POLDIP3: variants seen among roughly 807,000 people sequenced by gnomAD.
POLDIP3 encodes polymerase delta-interacting protein 3.
In POLDIP3, 14 loss-of-function variants were observed where a neutral mutation model predicts 45.1. The observed-to-expected ratio is 0.31, with a 90% confidence interval of 0.20 to 0.49. POLDIP3 has a LOEUF of 0.49. Among genes scored for constraint, POLDIP3 ranks in the 20% least tolerant of loss-of-function variants. POLDIP3 has a pLI of 0.99. For synonymous variants in POLDIP3, 223 were observed against 205.2 expected (o/e 1.09, Z -0.74); for missense variants, 511 against 538.8 (o/e 0.95, Z 0.51).
intron 1 of POLDIP3, among the ~76,000 whole-genome samples, chr22:42,609,030 G>C (rs544474963): frequency 6.6e-6 from 1 of 152,134 alleles, no homozygotes; most frequent in African/African-American, 2.4e-5. Flanking sequence ...ATTAGTCATC[G>C]GAAATTTTTC....
chr22:42,587,409 G>A, intron 8 of POLDIP3, 97 bp downstream of exon 8: 1 of 1,229,684 alleles, frequency 8.1e-7, no homozygotes. Context: ...ACGGAATGGG[G>A]GGATGAAGGG....
chr22:42,594,080 T>A (rs1925834902), intron 6 of POLDIP3, among the ~76,000 whole-genome samples: 1 of 152,184 alleles, frequency 6.6e-6, no homozygotes, highest in East Asian at 1.9e-4. Context: ...GCCAACATGG[T>A]GAAACCTCGT....
intron 1 of POLDIP3, among the ~76,000 whole-genome samples, chr22:42,613,924 A>C (rs1385176802): frequency 2.6e-5 from 4 of 152,214 alleles, no homozygotes; most frequent in Non-Finnish European, 5.9e-5. Flanking sequence ...AGATGAACTC[A>C]GCTCACGAAG....
Position 42,614,848 on chromosome 22 carries a change from T to G in POLDIP3, c.10A>C (p.Ile4Leu). MAD[I>L]SLDELIRKRG... ...TTCCTGATGAGTTCGTCCAGGGAGA[T>G]GTCCGCCATCTTGCTCCGCCGAGCA... The change falls in exon 1 of 9, where the codon ATC (isoleucine) becomes CTC (leucine). Residue 4 changes from isoleucine (I) to leucine (L), a missense_variant. By Grantham distance (5) the Ile-to-Leu change is conservative. This residue lies in a region of POLDIP3 where 378 missense variants were observed against 352.3 expected (regional missense o/e 1.07). Coordinates refer to ENST00000252115, the MANE Select transcript of POLDIP3 (RefSeq NM_032311.5). 6.2e-7 allele frequency: 1 copy of G among 1,614,008 alleles called. No individual in the cohort carries two copies.
chr22:42,598,992 T>A (rs1926175687), intron 4 of POLDIP3, among the ~76,000 whole-genome samples: 1 of 152,216 alleles, frequency 6.6e-6, no homozygotes, highest in Non-Finnish European at 1.5e-5. Flanking sequence ...GTGAGATGTA[T>A]TCCTGCTAAT....
intron 1 of POLDIP3, among the ~76,000 whole-genome samples, chr22:42,604,687 A>G (rs1926609690): frequency 6.6e-6 from 1 of 152,218 alleles, no homozygotes; most frequent in East Asian, 1.9e-4. Context: ...AATGAATACC[A>G]GAAGTGCAGC....
At position 42,612,071 on chromosome 22, in the gene POLDIP3, C is replaced by A. The variant is rs141677571; in HGVS notation, c.59+2728G>T. Among the ~76,000 whole-genome samples the A allele has an allele frequency of 4.2e-3, 647 of 152,276 alleles. 3 individuals carry two copies. The highest frequency in any genetic ancestry group is 0.015 in the African/African-American group (630 of 41,556). On this transcript the variant is annotated intron_variant, in intron 1 of 8. Coordinates refer to ENST00000252115, the MANE Select transcript of POLDIP3 (RefSeq NM_032311.5). ...AACTCAGCATGCACTCCAGGTTCTT[C>A]CATGCTAGTCTCTCTGCCTGCACTC... is the stretch of plus-strand genomic sequence containing the variant.
intron 1 of POLDIP3, among the ~76,000 whole-genome samples, chr22:42,609,430 C>G (rs1162463368): frequency 6.6e-6 from 1 of 152,162 alleles, no homozygotes; most frequent in Non-Finnish European, 1.5e-5. Context: ...ATTCTCTCCT[C>G]TATACCCCCT....
intron 4 of POLDIP3, 21 bp from the exon 5 acceptor site, chr22:42,596,386 G>C (rs1450794156): frequency 1.2e-6 from 2 of 1,609,008 alleles, no homozygotes; most frequent in Admixed American, 1.7e-5. Flanking sequence ...AGACAGAAAA[G>C]AATCTGAGAA....
chr22:42,602,127 G>T, intron 2 of POLDIP3, 71 bp from the exon 3 acceptor site: 1 of 1,606,720 alleles, frequency 6.2e-7, no homozygotes, highest in Non-Finnish European at 8.5e-7. Context: ...GGGGGTTACT[G>T]AACTTGATAC....
At chr22:42,592,558 G>GA (rs1925735688) in intron 6 of POLDIP3, among the ~76,000 whole-genome samples, 1 of 152,190 alleles carries the variant, frequency 6.6e-6, no homozygotes, top group African/African-American at 2.4e-5. Context: ...ATGAAACCAG[G>GA]AGAGTCCCCA....
intron 1 of POLDIP3, among the ~76,000 whole-genome samples, chr22:42,606,695 GCTCA>G (rs1926752086): frequency 6.6e-6 from 1 of 152,196 alleles, no homozygotes. Flanking sequence ...AGTGATCATA[GCTCA>G]CTACAGCCTT....
chr22:42,614,463 G>A (rs1199716163), intron 1 of POLDIP3, among the ~76,000 whole-genome samples: 1 of 152,198 alleles, frequency 6.6e-6, no homozygotes, highest in Non-Finnish European at 1.5e-5. Flanking sequence ...GGGCCCAAAT[G>A]CCAGTCCACA....
At chr22:42,610,554 C>A (rs991930376) in intron 1 of POLDIP3, among the ~76,000 whole-genome samples, 1 of 152,180 alleles carries the variant, frequency 6.6e-6, no homozygotes, top group Non-Finnish European at 1.5e-5. Context: ...TTAAACTCAT[C>A]GAACTAACAA....
rs545754043 is a variant in POLDIP3, at chr22:42,601,930, C to T, written c.537+40G>A. The stretch of plus-strand genomic sequence containing the variant: ...TGCACACCTACATGTTCGCTATGTA[C>T]ACACAGATTCTCTCTCTCTCTCTCA... On this transcript the variant is annotated intron_variant, in intron 3 of 8. Transcript: ENST00000252115. 4.5e-4 allele frequency: 727 copies of T among 1,603,876 alleles called. 8 individuals carry two copies. In the South Asian group the frequency reaches 5.3e-3, roughly 12 times the overall value.
intron 4 of POLDIP3, among the ~76,000 whole-genome samples, chr22:42,598,043 G>C (rs1207136241): frequency 6.6e-6 from 1 of 151,408 alleles, no homozygotes; most frequent in East Asian, 1.9e-4. Context: ...CTCCCAAAGT[G>C]CTGGGATTAC....
chr22:42,584,933 T>C lies in POLDIP3; in HGVS notation c.*858A>G. On this transcript the variant is annotated 3_prime_UTR_variant, in exon 9 of 9. Coordinates refer to ENST00000252115, the MANE Select transcript of POLDIP3 (RefSeq NM_032311.5). ...ACTGCACAATGGGAGGCTGAGCCTT[T>C]CAAAGGCCCAACCAGAAGAGAGCTG... 1 of 456,198 alleles carries C rather than the reference T, an allele frequency of 2.2e-6. No individual in the cohort carries two copies. The highest frequency in any genetic ancestry group is 4.4e-6 in the Non-Finnish European group (1 of 226,940). The allele number at this position is 456,198 out of a possible 1,614,324, so 28.3% of individuals were successfully genotyped here. A position where few individuals can be genotyped will look rare whatever the true frequency, so the allele number is the denominator to read the frequency against.
At position 42,595,687 on chromosome 22, in the gene POLDIP3, G is replaced by A. The variant is rs1480322170; in HGVS notation, c.814-73C>T. 3.6e-6 allele frequency: 5 copies of A among 1,392,642 alleles called. No homozygotes were observed. The African/African-American group carries it at 5.7e-5, about 16-fold the overall frequency. The allele number at this position is 1,392,642 out of a possible 1,614,324, so 86.3% of individuals were successfully genotyped here. A position where few individuals can be genotyped will look rare whatever the true frequency, so the allele number is the denominator to read the frequency against. ...ATTCCCACAACAGAAATTCCTCCAGGCACGTGACTAGGAAGGCCCAGAGGA... is the reference window on the plus strand; with the variant it reads ...ATTCCCACAACAGAAATTCCTCCAGACACGTGACTAGGAAGGCCCAGAGGA... On this transcript the variant is annotated intron_variant, in intron 5 of 8. Transcript: ENST00000252115.
chr22:42,609,495 A>G (rs1192680652), intron 1 of POLDIP3, among the ~76,000 whole-genome samples: 6 of 152,190 alleles, frequency 3.9e-5, no homozygotes, highest in African/African-American at 9.7e-5. Context: ...GGCTATAGGA[A>G]TATTTCACCC....
Sources: allele counts gnomAD v4.1 joint callset (sites outside exome capture counted in the v4.1 genomes callset), GRCh38; gene constraint gnomAD v4.1.1; regional missense constraint gnomAD v4.1.1; transcripts MANE v1.5; gene names NCBI Gene and HGNC (gene_info 2026-07-23, HGNC 2026-07-21).